NCAM2: variants seen among roughly 807,000 people sequenced by gnomAD.
NCAM2 encodes the protein neural cell adhesion molecule 2.
In NCAM2, 30 loss-of-function variants were observed where a neutral mutation model predicts 98.1. That is an observed-to-expected ratio of 0.31 (90% confidence interval 0.23 to 0.41). NCAM2 has a LOEUF of 0.41. Ranked by LOEUF, NCAM2 falls within the 10% of genes least tolerant of loss-of-function variation. The pLI, the probability that NCAM2 is intolerant of heterozygous loss-of-function variation, is 1.00. For synonymous variants in NCAM2, 368 were observed against 342.4 expected (o/e 1.07, Z -0.83); for missense variants, 867 against 1,005.8 (o/e 0.86, Z 1.87).
chr21:21,230,607 G>A (rs964425801), intron 1 of NCAM2, among the ~76,000 whole-genome samples: 2 of 151,206 alleles, frequency 1.3e-5, no homozygotes, highest in African/African-American at 2.4e-5. Flanking sequence ...AAAATATCAA[G>A]TCTGTCTCAT....
intron 5 of NCAM2, among the ~76,000 whole-genome samples, chr21:21,303,208 ATCT>A (rs1415471739): frequency 2.1e-5 from 3 of 139,814 alleles, no homozygotes; most frequent in Non-Finnish European, 4.6e-5. Flanking sequence ...GTACCCCTGT[ATCT>A]AAAGTTGAAA....
chr21:21,074,914 A>G (rs1193231803), intron 1 of NCAM2, among the ~76,000 whole-genome samples: 1 of 152,190 alleles, frequency 6.6e-6, no homozygotes, highest in Non-Finnish European at 1.5e-5. Flanking sequence ...ACTATTCACA[A>G]TAGCAAAGAC....
At chr21:21,110,513 A>G (rs1406622179) in intron 1 of NCAM2, among the ~76,000 whole-genome samples, 3 of 151,656 alleles carry the variant, frequency 2.0e-5, no homozygotes, top group Non-Finnish European at 2.9e-5. Context: ...TAAAGATACA[A>G]TTTCCTCTGT....
chr21:21,223,957 A>G (rs1035704648), intron 1 of NCAM2, among the ~76,000 whole-genome samples: 1 of 152,300 alleles, frequency 6.6e-6, no homozygotes, highest in Middle Eastern at 3.4e-3. Flanking sequence ...AGCCCATATG[A>G]AAGAGAAAGC....
At chr21:21,262,012 T>C (rs978542016) in intron 1 of NCAM2, among the ~76,000 whole-genome samples, 5 of 152,028 alleles carry the variant, frequency 3.3e-5, no homozygotes, top group African/African-American at 1.2e-4. Flanking sequence ...CAATCAGAAA[T>C]GAAATAGGTG....
chr21:21,387,496 GTA>G (rs1569007323), intron 9 of NCAM2, among the ~76,000 whole-genome samples: 9 of 147,290 alleles, frequency 6.1e-5, no homozygotes, highest in Non-Finnish European at 1.3e-4. Flanking sequence ...AGGTCTTAGT[GTA>G]TCTTTCAGGA....
chr21:21,295,233 C>A (rs1262847332), intron 5 of NCAM2, among the ~76,000 whole-genome samples: 1 of 88,410 alleles, frequency 1.1e-5, no homozygotes, highest in Non-Finnish European at 2.2e-5. Flanking sequence ...ACATTTCTAT[C>A]CTACCAATTC....
At chr21:21,323,110 G>A (rs551145633) in intron 5 of NCAM2, among the ~76,000 whole-genome samples, 1 of 152,218 alleles carries the variant, frequency 6.6e-6, no homozygotes, top group African/African-American at 2.4e-5. Context: ...TGCAACTAAT[G>A]TATAAATAAT....
chr21:21,270,725 A>G, intron 1 of NCAM2, among the ~76,000 whole-genome samples: 2 of 152,272 alleles, frequency 1.3e-5, no homozygotes, highest in South Asian at 2.1e-4. Context: ...TTTTCTTTTT[A>G]GTATGATGTA....
At chr21:21,453,677 C>G (rs1016127714) in intron 12 of NCAM2, among the ~76,000 whole-genome samples, 1 of 151,946 alleles carries the variant, frequency 6.6e-6, no homozygotes, top group African/African-American at 2.4e-5. Context: ...TACCTTCTGC[C>G]ATATGTTTAG....
In NCAM2 at chr21:21,516,808, A is replaced by G. The variant is rs534487952; in HGVS notation, c.2282+7753A>G. Among the ~76,000 whole-genome samples the G allele has an allele frequency of 1.3e-4, 20 of 152,280 alleles. No homozygotes were observed. In the South Asian group the frequency reaches 1.4e-3, roughly 11 times the overall value. On this transcript the variant is annotated intron_variant, in intron 16 of 17. Coordinates refer to ENST00000400546, the MANE Select transcript of NCAM2 (RefSeq NM_004540.5). ...ACTTTGGTTTTCAAATTCTCAAACC[A>G]TCTTGGAGAATGTGATATTGTTTAC...
At chr21:21,093,225 G>A (rs183660765) in intron 1 of NCAM2, among the ~76,000 whole-genome samples, 101 of 152,214 alleles carry the variant, frequency 6.6e-4, no homozygotes, top group African/African-American at 2.0e-3. Flanking sequence ...GTGTGGAGAC[G>A]TCTTTTGTCT....
intron 15 of NCAM2, among the ~76,000 whole-genome samples, chr21:21,496,478 GTTGAT>G (rs980616862): frequency 1.3e-5 from 2 of 151,902 alleles, no homozygotes; most frequent in Non-Finnish European, 2.9e-5. Flanking sequence ...TTTATTGCTG[GTTGAT>G]TTAAGTTCCC....
chr21:21,328,284 A>G (rs1044578620), intron 6 of NCAM2, among the ~76,000 whole-genome samples: 8 of 152,208 alleles, frequency 5.3e-5, no homozygotes, highest in African/African-American at 1.9e-4. Flanking sequence ...TATACACTAC[A>G]TAATACTTGA....
rs144110916 is a variant in NCAM2, at chr21:21,390,447, A to C, written c.1195+16434A>C. 3.4e-3 allele frequency among the ~76,000 whole-genome samples: 511 copies of C among 152,256 alleles called. 4 individuals carry two copies. Among genetic ancestry groups the C allele is most frequent in the African/African-American group, 0.012 (489 of 41,556 alleles). ...ATTTTAAGTGAATGACCTTTGCTTC[A>C]GAGCTGAGAATAGACTGAAAGGGGT... is the stretch of plus-strand genomic sequence containing the variant. On this transcript the variant is annotated intron_variant, in intron 9 of 17. Transcript: ENST00000400546.
rs1033988721 is a variant in NCAM2, at chr21:21,034,060, G to GC, written c.55+35442_55+35443insC. Among the ~76,000 whole-genome samples the GC allele has an allele frequency of 1.1e-3, 162 of 149,668 alleles. 1 individual carries two copies. The highest frequency in any genetic ancestry group is 3.5e-3 in the African/African-American group (144 of 40,928). On this transcript the variant is annotated intron_variant, in intron 1 of 17. Coordinates refer to ENST00000400546, the MANE Select transcript of NCAM2 (RefSeq NM_004540.5). The stretch of plus-strand genomic sequence containing the variant: ...AGATAAGAGATAGGCAAAGGGGGGG[G>GC]GGAAACAAAGATTGAGATAAGCAGA...
intron 16 of NCAM2, among the ~76,000 whole-genome samples, chr21:21,523,821 A>G (rs749525348): frequency 3.3e-5 from 5 of 152,102 alleles, no homozygotes; most frequent in Non-Finnish European, 5.9e-5. Flanking sequence ...TAAATCATAT[A>G]AAATGCTCAA....
intron 12 of NCAM2, among the ~76,000 whole-genome samples, chr21:21,461,085 G>C (rs569384772): frequency 6.6e-6 from 1 of 151,702 alleles, no homozygotes; most frequent in African/African-American, 2.4e-5. Context: ...AAAAATCTAC[G>C]CATTTAGACT....
At chr21:21,381,390 T>C (rs1194018070) in intron 9 of NCAM2, among the ~76,000 whole-genome samples, 1 of 152,102 alleles carries the variant, frequency 6.6e-6, no homozygotes, top group Non-Finnish European at 1.5e-5. Flanking sequence ...TATTCTGTTT[T>C]TTTTCCTATG....
Sources: gnomAD v4.1 joint callset for allele counts (sites outside exome capture counted in the v4.1 genomes callset) on GRCh38, gnomAD v4.1.1 for gene constraint, MANE v1.5 for transcripts, NCBI Gene and HGNC (gene_info 2026-07-23, HGNC 2026-07-21) for gene names.